Variants in TMC2 observed in about 807,000 individuals in gnomAD.
The protein encoded by TMC2 is transmembrane channel-like protein 2.
A neutral mutation model predicts 105.9 loss-of-function variants in TMC2; 102 were observed. That is an observed-to-expected ratio of 0.96 (90% CI 0.82 to 1.14). The LOEUF is 1.14. TMC2 is among the 50% of genes most tolerant of loss of function. TMC2 has a pLI of 0.00. For missense variants in TMC2, 1,093 were observed against 1,134.3 expected (o/e 0.96, Z 0.52); for synonymous variants, 402 against 422.8 (o/e 0.95, Z 0.60).
intron 2 of TMC2, among the ~76,000 whole-genome samples, chr20:2,538,318 G>A (rs945370147): frequency 6.6e-5 from 10 of 152,142 alleles, no homozygotes; most frequent in African/African-American, 1.9e-4. Context: ...CCCCTATCCC[G>A]GAACTTGCCT....
intron 7 of TMC2, among the ~76,000 whole-genome samples, chr20:2,582,566 C>G (rs1170450769): frequency 6.6e-6 from 1 of 152,176 alleles, no homozygotes; most frequent in African/African-American, 2.4e-5. Context: ...GCCTCCACCT[C>G]CTGGGTTCCA....
intron 9 of TMC2, among the ~76,000 whole-genome samples, chr20:2,596,054 C>A (rs748227453): frequency 1.3e-5 from 2 of 152,128 alleles, no homozygotes; most frequent in Non-Finnish European, 2.9e-5. Context: ...TAGAAATATG[C>A]AAAGTTTTCG....
intron 7 of TMC2, among the ~76,000 whole-genome samples, chr20:2,582,448 T>C (rs1313564166): frequency 6.6e-6 from 1 of 152,106 alleles, no homozygotes; most frequent in East Asian, 1.9e-4. Context: ...GTAGAAGTGC[T>C]CAAACATGAC....
chr20:2,541,087 A>G (rs1430676698), intron 2 of TMC2, among the ~76,000 whole-genome samples: 2 of 151,844 alleles, frequency 1.3e-5, no homozygotes, highest in Non-Finnish European at 2.9e-5. Flanking sequence ...CACCCCCTCC[A>G]TTTCTCTACC....
intron 18 of TMC2, 29 bp downstream of exon 18, chr20:2,636,033 C>T (rs2422808): frequency 3.1e-6 from 5 of 1,596,264 alleles, no homozygotes; most frequent in Admixed American, 3.3e-5. Flanking sequence ...TCATCCTGGA[C>T]GGTAAAAAGA....
Position 2,612,200 on chromosome 20 carries a change from G to A in TMC2, c.1603G>A (p.Glu535Lys), listed in dbSNP as rs1341123726. ...MDDVHLKLANEETIKNITHWT... is the reference protein window; with the variant it reads ...MDDVHLKLANKETIKNITHWT... ...CCATCTTCTGTTCTAGCTTGCTAATGAAGAGACAATAAAGAACATCACTCA... is the reference window on the plus strand; with the variant it reads ...CCATCTTCTGTTCTAGCTTGCTAATAAAGAGACAATAAAGAACATCACTCA... The change falls in exon 13 of 20, where the codon GAA becomes AAA. Residue 535 changes from glutamate to lysine, a missense_variant. By Grantham distance (56) the Glu-to-Lys change is moderately conservative. Coordinates refer to ENST00000358864, the MANE Select transcript of TMC2 (RefSeq NM_080751.3). 1.2e-6 allele frequency: 2 copies of A among 1,604,376 alleles called. No individual in the cohort carries two copies. The highest frequency in any genetic ancestry group is 2.2e-5 in the South Asian group (2 of 89,038).
Position 2,617,260 on chromosome 20 carries a change from T to C in TMC2, c.2129T>C (p.Val710Ala). The C allele has an allele frequency of 1.2e-6, 2 of 1,614,200 alleles. No individual in the cohort carries two copies. The highest frequency in any genetic ancestry group is 3.3e-5 in the Admixed American group (2 of 60,010). ...GTGCTCTTCCTCAGCCTCCTGCCGG[T>C]GGCCTACACCATCATGTCCCTCCCA... ...LLVLFLSLLP[V>A]AYTIMSLPPS... The change falls in exon 16 of 20, where the codon GTG (valine) becomes GCG (alanine). Residue 710 changes from valine to alanine, a missense_variant. Val to Ala is a moderately conservative substitution (Grantham distance 64). Coordinates refer to ENST00000358864, the MANE Select transcript of TMC2 (RefSeq NM_080751.3).
intron 11 of TMC2, among the ~76,000 whole-genome samples, chr20:2,602,946 T>A (rs2086362451): frequency 6.6e-6 from 1 of 152,236 alleles, no homozygotes; most frequent in Non-Finnish European, 1.5e-5. Context: ...CTTAGCTTGG[T>A]CATGTGACTT....
intron 14 of TMC2, chr20:2,613,625 T>C: frequency 2.7e-6 from 1 of 368,928 alleles, no homozygotes; most frequent in South Asian, 2.2e-5. Context: ...GATAGGGAAT[T>C]GCATCTGAGC....
intron 5 of TMC2, among the ~76,000 whole-genome samples, chr20:2,576,904 TTTTTTTTTG>T (rs2086149673): frequency 9.4e-6 from 1 of 106,196 alleles, no homozygotes; most frequent in Non-Finnish European, 1.8e-5. Context: ...TTCTTGGTTT[TTTTTTTTTG>T]TTTTTTTTTT....
chr20:2,579,810 T>C, intron 6 of TMC2, 140 bp from the exon 7 acceptor site: 1 of 575,126 alleles, frequency 1.7e-6, no homozygotes, highest in Non-Finnish European at 3.1e-6. Flanking sequence ...TCAGGTTATT[T>C]ATCCAGGAAA....
intron 5 of TMC2, among the ~76,000 whole-genome samples, chr20:2,573,561 C>CTTTTTTTTTTTTT (rs370771531): frequency 1.7e-5 from 2 of 117,002 alleles, no homozygotes; most frequent in African/African-American, 3.3e-5. Context: ...CTTTTCTTTT[C>CTTTTTTTTTTTTT]TTTTTTTTTT....
At chr20:2,545,357 T>C (rs2085916205) in intron 2 of TMC2, among the ~76,000 whole-genome samples, 1 of 152,210 alleles carries the variant, frequency 6.6e-6, no homozygotes, top group South Asian at 2.1e-4. Context: ...TTTCTCCTTC[T>C]TCAATGAAAC....
intron 10 of TMC2, among the ~76,000 whole-genome samples, chr20:2,600,986 G>GAAAAAA (rs55710696): frequency 1.2e-4 from 11 of 90,544 alleles, no homozygotes; most frequent in South Asian, 3.6e-4. Context: ...GACTGTCTCA[G>GAAAAAA]AAAAAAAAAA....
chr20:2,635,650 C>T (rs1003750647), intron 17 of TMC2, among the ~76,000 whole-genome samples: 6 of 152,182 alleles, frequency 3.9e-5, no homozygotes, highest in Non-Finnish European at 8.8e-5. Context: ...CCTCTGGCCA[C>T]CTCAGATTTC....
Position 2,580,034 on chromosome 20 carries a change from T to C in TMC2, c.812T>C (p.Phe271Ser), listed in dbSNP as rs755878218. 7 of 1,612,748 alleles carry C rather than the reference T, an allele frequency of 4.3e-6. No homozygotes were observed. In the African/African-American group the frequency reaches 9.3e-5, roughly 22 times the overall value. Residue 271 changes from phenylalanine (F) to serine (S), a missense_variant, in exon 7 of 20, where the codon TTT (phenylalanine) becomes TCT (serine). Phe to Ser is a radical substitution (Grantham distance 155). Coordinates refer to ENST00000358864, the MANE Select transcript of TMC2 (RefSeq NM_080751.3). The stretch of plus-strand genomic sequence containing the variant: ...AACCTTGTCCTTTTTGGCTTAATAT[T>C]TGGTCTAGTCATAATCCCAGAGGTA... Reference protein sequence around the residue: ...GVNLVLFGLIFGLVIIPEVLM... With the variant: ...GVNLVLFGLISGLVIIPEVLM...
intron 11 of TMC2, among the ~76,000 whole-genome samples, chr20:2,604,724 G>T (rs927539616): frequency 3.9e-5 from 6 of 152,242 alleles, no homozygotes; most frequent in African/African-American, 1.4e-4. Flanking sequence ...GGGGAGAGGG[G>T]CTGAGGTTGA....
At chr20:2,538,879 G>A (rs1183896807) in intron 2 of TMC2, among the ~76,000 whole-genome samples, 1 of 151,718 alleles carries the variant, frequency 6.6e-6, no homozygotes, top group East Asian at 1.9e-4. Flanking sequence ...CACCTGCGAC[G>A]GGACCTGATA....
intron 7 of TMC2, among the ~76,000 whole-genome samples, chr20:2,584,719 G>A (rs1311049168): frequency 1.3e-5 from 2 of 151,680 alleles, no homozygotes; most frequent in African/African-American, 4.8e-5. Context: ...CTCATTTACA[G>A]CAAAGTTTGT....
Sources: allele counts gnomAD v4.1 joint callset (sites outside exome capture counted in the v4.1 genomes callset), GRCh38; gene constraint gnomAD v4.1.1; transcripts MANE v1.5; gene names NCBI Gene and HGNC (gene_info 2026-07-23, HGNC 2026-07-21).